ACKR3: variants seen among roughly 807,000 people sequenced by gnomAD.
The protein encoded by ACKR3 is atypical chemokine receptor 3.
Under a neutral mutation model 22.4 loss-of-function variants are expected in ACKR3, and 6 were observed. The observed-to-expected ratio is 0.27, with a 90% CI of 0.15 to 0.53. The LOEUF is 0.53. Among genes scored for constraint, ACKR3 ranks in the 20% least tolerant of loss-of-function variants. The probability of loss-of-function intolerance (pLI) is 0.96; values close to 1 mark genes in which losing one functional copy is unlikely to be tolerated. For missense variants in ACKR3, 396 were observed against 475.2 expected, an observed-to-expected ratio of 0.83 and a Z score of 1.55; for synonymous variants, 209 against 205.2, an observed-to-expected ratio of 1.02 and a Z score of -0.16.
chr2:236,545,890 A>G, the ACKR3 span, among the ~76,000 whole-genome samples: 1 of 152,244 alleles, frequency 6.6e-6, no homozygotes, highest in African/African-American at 2.4e-5. This position sits in a 1 kb window ranked among gnomAD's most constrained non-coding sequence, Gnocchi z 5.3. Flanking sequence ...CCGAAAACAT[A>G]CGGCGTAATG....
the ACKR3 span, among the ~76,000 whole-genome samples, chr2:236,549,245 A>G: frequency 3.3e-5 from 5 of 152,196 alleles, no homozygotes; most frequent in Non-Finnish European, 7.3e-5. This position sits in a 1 kb window ranked among gnomAD's most constrained non-coding sequence, Gnocchi z 5.3. Context: ...GTGAGCGGAA[A>G]GGGAGCAGCT....
intron 1 of ACKR3, among the ~76,000 whole-genome samples, chr2:236,573,117 T>A (rs113973803): frequency 6.6e-6 from 1 of 152,132 alleles, no homozygotes; most frequent in African/African-American, 2.4e-5. Context: ...TCCCCTAGGT[T>A]ACTTGGTTGG....
upstream of ACKR3, among the ~76,000 whole-genome samples, chr2:236,566,639 T>C (rs1691184816): frequency 6.6e-6 from 1 of 151,542 alleles, no homozygotes; most frequent in Non-Finnish European, 1.5e-5. Context: ...CAAAGTTTAT[T>C]CTTCTCTGTT....
upstream of ACKR3, among the ~76,000 whole-genome samples, chr2:236,568,659 G>A (rs1691241138): frequency 6.6e-6 from 1 of 152,260 alleles, no homozygotes. Context: ...GAAGCTTTTA[G>A]CTAAACAAAA....
the ACKR3 span, among the ~76,000 whole-genome samples, chr2:236,554,657 G>A: frequency 5.1e-4 from 77 of 152,314 alleles, no homozygotes; most frequent in African/African-American, 1.6e-3. Flanking sequence ...GGCACCCAGC[G>A]CAAACAGCAG....
At position 236,580,856 on chromosome 2, in the gene ACKR3, A is replaced by G; in HGVS notation, c.391A>G (p.Ser131Gly). The change falls in exon 2 of 2, where the codon AGC (serine) becomes GGC (glycine). Residue 131 changes from serine to glycine, a missense_variant. Transcript: ENST00000272928. ...HLIFSINLFG[S>G]IFFLTCMSVD... The stretch of plus-strand genomic sequence containing the variant: ...CATCTTCTCCATCAACCTCTTCGGC[A>G]GCATTTTCTTCCTCACGTGCATGAG... 6.2e-7 allele frequency: 1 copy of G among 1,614,256 alleles called. No homozygotes were observed. The highest frequency in any genetic ancestry group is 8.5e-7 in the Non-Finnish European group (1 of 1,180,050).
chr2:236,540,924 CAA>C, the ACKR3 span, among the ~76,000 whole-genome samples: 1 of 152,182 alleles, frequency 6.6e-6, no homozygotes, highest in Non-Finnish European at 1.5e-5. Context: ...CACTTGTACC[CAA>C]ATACCTGTTA....
intron 1 of ACKR3, among the ~76,000 whole-genome samples, chr2:236,573,119 C>CT (rs1691341269): frequency 6.6e-6 from 1 of 152,166 alleles, no homozygotes; most frequent in South Asian, 2.1e-4. Context: ...CCCTAGGTTA[C>CT]TTGGTTGGTT....
chr2:236,548,973 G>A, the ACKR3 span, among the ~76,000 whole-genome samples: 1 of 152,154 alleles, frequency 6.6e-6, no homozygotes, highest in Admixed American at 6.5e-5. The surrounding 1 kb of genome is among the most constrained non-coding windows in gnomAD (Gnocchi z 4.3). Context: ...TTTAACTTGA[G>A]CATCTTTTGG....
chr2:236,569,366 C>T (rs944889195), upstream of ACKR3, among the ~76,000 whole-genome samples: 2 of 152,168 alleles, frequency 1.3e-5, no homozygotes, highest in African/African-American at 4.8e-5. Flanking sequence ...CAAGGAAAAC[C>T]CAGGCTTAGT....
chr2:236,543,184 T>C, the ACKR3 span, among the ~76,000 whole-genome samples: 27 of 152,172 alleles, frequency 1.8e-4, no homozygotes, highest in Non-Finnish European at 3.1e-4. Context: ...GAGGTTGCTT[T>C]GGACAGAGAG....
chr2:236,543,157 T>C, the ACKR3 span, among the ~76,000 whole-genome samples: 4 of 152,176 alleles, frequency 2.6e-5, no homozygotes, highest in African/African-American at 9.7e-5. Flanking sequence ...AGAGTTATTC[T>C]AGCAGACAAG....
At chr2:236,565,766 T>C (rs1691164815), upstream of ACKR3, among the ~76,000 whole-genome samples, 1 of 152,164 alleles carries the variant, frequency 6.6e-6, no homozygotes, top group Non-Finnish European at 1.5e-5. Flanking sequence ...ATATCAGGGT[T>C]CCAAGCCAGG....
chr2:236,541,341 C>T, the ACKR3 span, among the ~76,000 whole-genome samples: 8 of 152,138 alleles, frequency 5.3e-5, no homozygotes, highest in South Asian at 4.1e-4. Flanking sequence ...TACCAAAGAA[C>T]GTGTGGTTCA....
the ACKR3 span, among the ~76,000 whole-genome samples, chr2:236,562,728 G>T: frequency 8.4e-4 from 127 of 152,084 alleles, no homozygotes; most frequent in South Asian, 1.2e-3. Context: ...ATTTGATGTT[G>T]CTTTGACATA....
the ACKR3 span, among the ~76,000 whole-genome samples, chr2:236,559,259 A>G: frequency 6.6e-6 from 1 of 152,242 alleles, no homozygotes; most frequent in Non-Finnish European, 1.5e-5. Context: ...TTTTCTTAAG[A>G]AAGCGAAAGC....
chr2:236,580,500 G>C lies in ACKR3; in HGVS notation c.35G>C (p.Gly12Ala). 6.2e-7 allele frequency: 1 copy of C among 1,614,004 alleles called. No individual in the cohort carries two copies. The highest frequency in any genetic ancestry group is 8.5e-7 in the Non-Finnish European group (1 of 1,179,834). The change falls in exon 2 of 2, where the codon GGG becomes GCG. Residue 12 changes from glycine (G) to alanine (A), a missense_variant. Coordinates refer to ENST00000272928, the MANE Select transcript of ACKR3 (RefSeq NM_020311.3). The part of the protein sequence containing the change: ...DLHLFDYSEP[G>A]NFSDISWPCN... ...CATCTCTTCGACTACTCAGAGCCAG[G>C]GAACTTCTCGGACATCAGCTGGCCA...
Position 236,569,888 on chromosome 2 carries a change from G to GAGCCCAGCCAGCCCAGCC in ACKR3, c.-48_-31dup, listed in dbSNP as rs375543878. On this transcript the variant is annotated 5_prime_UTR_variant, in exon 1 of 2. Transcript: ENST00000272928. The stretch of plus-strand genomic sequence containing the variant: ...GCACAGCACAGCCAGGAAGGCGAGC[G>GAGCCCAGCCAGCCCAGCC]AGCCCAGCCAGCCCAGCCAGCCCAG... The GAGCCCAGCCAGCCCAGCC allele has an allele frequency of 1.6e-4, 24 of 152,824 alleles. No homozygotes were observed. Among genetic ancestry groups the GAGCCCAGCCAGCCCAGCC allele is most frequent in the African/African-American group, 4.3e-4 (18 of 41,516 alleles). The allele number at this position is 152,824 out of a possible 1,614,324, so 9.5% of individuals were successfully genotyped here.
chr2:236,581,790 C>G lies in ACKR3; in HGVS notation c.*236C>G. The G allele has an allele frequency of 2.4e-6, 1 of 419,936 alleles. No homozygotes were observed. 26.0% of individuals were successfully genotyped at this position (419,936 alleles called of 1,614,324 possible). The stretch of plus-strand genomic sequence containing the variant: ...AGCTGTGTCGCACAGCAGTGCTGTG[C>G]GTCAGAGCCAGCTGAGGACAGGCTT... On this transcript the variant is annotated 3_prime_UTR_variant, in exon 2 of 2. Transcript: ENST00000272928. The surrounding 1 kb of genome is among the most constrained non-coding windows in gnomAD (Gnocchi z 4.4).
Sources: allele counts gnomAD v4.1 joint callset (sites outside exome capture counted in the v4.1 genomes callset), GRCh38; gene constraint gnomAD v4.1.1; non-coding constraint Gnocchi (gnomAD v3.1); transcripts MANE v1.5; gene names NCBI Gene and HGNC (gene_info 2026-07-23, HGNC 2026-07-21).